The following ACBD7 variants were observed in gnomAD, a reference collection of about 807,000 sequenced individuals.
The protein encoded by ACBD7 is acyl-CoA-binding domain-containing protein 7.
A neutral mutation model predicts 13.7 loss-of-function variants in ACBD7; 11 were observed. The observed-to-expected ratio is 0.80, with a 90% CI of 0.50 to 1.33. The LOEUF is 1.33. Among genes scored for constraint, ACBD7 ranks in the 40% most tolerant of loss-of-function variants. The pLI, the probability that ACBD7 is intolerant of heterozygous loss-of-function variation, is 0.00. For missense variants in ACBD7, 111 were observed against 103.0 expected (o/e 1.08, Z -0.33); for synonymous variants, 43 against 37.7 (o/e 1.14, Z -0.51).
chr10:15,083,748 G>A (rs1844775903), intron 1 of ACBD7, among the ~76,000 whole-genome samples: 1 of 152,212 alleles, frequency 6.6e-6, no homozygotes, highest in African/African-American at 2.4e-5. Flanking sequence ...TTCCCAAAGT[G>A]CTGGGATTAC....
chr10:15,083,436 A>G (rs527735886), intron 1 of ACBD7, among the ~76,000 whole-genome samples: 2 of 152,340 alleles, frequency 1.3e-5, no homozygotes, highest in East Asian at 1.9e-4. Flanking sequence ...CTTCGGCCAC[A>G]AAAAGAGAAT....
At chr10:15,082,882 C>T (rs1458017571) in intron 1 of ACBD7, among the ~76,000 whole-genome samples, 1 of 151,818 alleles carries the variant, frequency 6.6e-6, no homozygotes, top group African/African-American at 2.4e-5. Context: ...ACTAAAAATA[C>T]AAAAAATTAG....
Position 15,075,938 on chromosome 10 carries a change from C to T in ACBD7, c.*2592G>A, listed in dbSNP as rs774517824. 6 of 270,466 alleles carry T rather than the reference C, an allele frequency of 2.2e-5. No individual in the cohort carries two copies. The highest frequency in any genetic ancestry group is 1.4e-4 in the South Asian group (1 of 6,988). 16.8% of individuals were successfully genotyped at this position (270,466 alleles called of 1,614,324 possible). ...GCAGTGAGCCGAGAGCGTGCCACTGCGCTCCAGCCTGGGTAACAGAGTGAC... is the reference window on the plus strand; with the variant it reads ...GCAGTGAGCCGAGAGCGTGCCACTGTGCTCCAGCCTGGGTAACAGAGTGAC... On this transcript the variant is annotated 3_prime_UTR_variant, in exon 4 of 4. Coordinates refer to ENST00000356189, the MANE Select transcript of ACBD7 (RefSeq NM_001039844.3).
intron 1 of ACBD7, among the ~76,000 whole-genome samples, chr10:15,083,394 G>T (rs763768955): frequency 6.6e-6 from 1 of 152,204 alleles, no homozygotes; most frequent in Non-Finnish European, 1.5e-5. Context: ...CCTGGGACTC[G>T]ATGCAACAAA....
At chr10:15,079,746 G>A (rs1301326973) in intron 1 of ACBD7, among the ~76,000 whole-genome samples, 1 of 150,822 alleles carries the variant, frequency 6.6e-6, no homozygotes, top group Non-Finnish European at 1.5e-5. Flanking sequence ...GCCTGGCTAA[G>A]TTTTGTATTT....
intron 1 of ACBD7, among the ~76,000 whole-genome samples, chr10:15,080,928 A>G (rs553248433): frequency 1.3e-5 from 2 of 152,320 alleles, no homozygotes; most frequent in Admixed American, 1.3e-4. Flanking sequence ...AAGTTCAAGG[A>G]CATATGCTGG....
chr10:15,083,631 C>T (rs1035160693), intron 1 of ACBD7, among the ~76,000 whole-genome samples: 2 of 152,164 alleles, frequency 1.3e-5, no homozygotes, highest in Admixed American at 6.6e-5. Context: ...CAGGCATGCA[C>T]CACCACGCCT....
At position 15,088,742 on chromosome 10, in the gene ACBD7, G is replaced by T. The variant is rs756994356; in HGVS notation, c.-14C>A. On this transcript the variant is annotated 5_prime_UTR_variant, in exon 1 of 4. Transcript: ENST00000356189. Reference sequence around the variant, plus strand: ...CTGCAGGGCCATGGTGGCGGCTGCCGCGTTGTTGCTGCTGCTGTTGTCGTC... The same window carrying T: ...CTGCAGGGCCATGGTGGCGGCTGCCTCGTTGTTGCTGCTGCTGTTGTCGTC... 6.3e-7 allele frequency: 1 copy of T among 1,598,364 alleles called. No homozygotes were observed. Among genetic ancestry groups the T allele is most frequent in the Admixed American group, 1.7e-5 (1 of 59,152 alleles).
In ACBD7 at chr10:15,078,363, A is replaced by G; in HGVS notation, c.*167T>C. The G allele has an allele frequency of 2.0e-6, 3 of 1,480,190 alleles. No homozygotes were observed. The highest frequency in any genetic ancestry group is 2.3e-5 in the East Asian group (1 of 43,504). The allele number at this position is 1,480,190 out of a possible 1,614,324, so 91.7% of individuals were successfully genotyped here. On this transcript the variant is annotated 3_prime_UTR_variant, in exon 4 of 4. Transcript: ENST00000356189. ...AAAGACACCTGGTTTAAGCAAGTAC[A>G]ATTGAGTTAACTATGTAGTTTCAGT...
rs138181639 is a variant in ACBD7, at chr10:15,079,339, G to A, written c.13-299C>T. 1.8e-3 allele frequency among the ~76,000 whole-genome samples: 256 copies of A among 143,906 alleles called. 1 individual carries two copies. Among genetic ancestry groups the A allele is most frequent in the Non-Finnish European group, 2.9e-3 (194 of 66,960 alleles). 94.4% of individuals were successfully genotyped at this position (143,906 alleles called of 152,430 possible). ...GGCTGGAGTGCAGTGCAGTGGCACCGTCTCCACTCACTGCAACCTCTACTT... is the reference window on the plus strand; with the variant it reads ...GGCTGGAGTGCAGTGCAGTGGCACCATCTCCACTCACTGCAACCTCTACTT... On this transcript the variant is annotated intron_variant, in intron 1 of 3. Transcript: ENST00000356189.
chr10:15,081,561 G>A (rs1264258338), intron 1 of ACBD7, among the ~76,000 whole-genome samples: 2 of 152,218 alleles, frequency 1.3e-5, no homozygotes, highest in African/African-American at 4.8e-5. Flanking sequence ...AGGCATATAA[G>A]CTCTGGAAAA....
chr10:15,078,772 A>G lies in ACBD7; in HGVS notation c.131-19T>C, dbSNP rs933625825. The G allele has an allele frequency of 1.9e-6, 3 of 1,612,860 alleles. No homozygotes were observed. The highest frequency in any genetic ancestry group is 2.7e-5 in the African/African-American group (2 of 75,028). ...GGACACGCTGGCAAAAGAAGGAGAC[A>G]TGCATTTGCAGGTTAACATTTTACT... On this transcript the variant is annotated intron_variant, in intron 2 of 3. Transcript: ENST00000356189.
chr10:15,079,616 T>C (rs1844726535), intron 1 of ACBD7, among the ~76,000 whole-genome samples: 1 of 151,650 alleles, frequency 6.6e-6, no homozygotes, highest in African/African-American at 2.4e-5. Flanking sequence ...TCTCACTCTG[T>C]TGCCCAGGCT....
At chr10:15,088,581 G>A (rs1844836164) in intron 1 of ACBD7, 136 bp downstream of exon 1, 2 of 1,236,982 alleles carry the variant, frequency 1.6e-6, no homozygotes, top group East Asian at 2.9e-5. Flanking sequence ...GCCATCTGGG[G>A]CGCTGGGGAA....
At chr10:15,079,982 T>C (rs767273346) in intron 1 of ACBD7, among the ~76,000 whole-genome samples, 1 of 151,732 alleles carries the variant, frequency 6.6e-6, no homozygotes, top group Non-Finnish European at 1.5e-5. Flanking sequence ...CTTTACTACA[T>C]GCAGGGGCTT....
rs1844824043 is a variant in ACBD7 at position 15,087,558 on chromosome 10, C to CTTGAGGTCAGGAG, written c.12+1146_12+1158dup. ...TTGGGTGTCCAAGGCGGGTGGATCA[C>CTTGAGGTCAGGAG]TTGAGGTCAGGAGTTGGAGACCAGT... is the stretch of plus-strand genomic sequence containing the variant. On this transcript the variant is annotated intron_variant, in intron 1 of 3. Transcript: ENST00000356189. Among the ~76,000 whole-genome samples the CTTGAGGTCAGGAG allele has an allele frequency of 1.2e-4, 19 of 152,158 alleles. No homozygotes were observed. The South Asian group carries it at 3.7e-3, about 30-fold the overall frequency.
chr10:15,088,129 CCA>C (rs1414929591), intron 1 of ACBD7, among the ~76,000 whole-genome samples: 2 of 151,862 alleles, frequency 1.3e-5, no homozygotes, highest in African/African-American at 4.8e-5. Flanking sequence ...TAGATATATG[CCA>C]CACACATACA....
chr10:15,080,647 C>T (rs1167159215), intron 1 of ACBD7, among the ~76,000 whole-genome samples: 1 of 152,160 alleles, frequency 6.6e-6, no homozygotes, highest in Non-Finnish European at 1.5e-5. Context: ...GCTCTGATAA[C>T]TGGGACCTCC....
chr10:15,084,177 A>T (rs1018181246), intron 1 of ACBD7, among the ~76,000 whole-genome samples: 1 of 152,198 alleles, frequency 6.6e-6, no homozygotes, highest in Non-Finnish European at 1.5e-5. Context: ...CATAAAGGCT[A>T]TGTGGGGTTG....
Sources: allele counts gnomAD v4.1 joint callset (sites outside exome capture counted in the v4.1 genomes callset), GRCh38; gene constraint gnomAD v4.1.1; transcripts MANE v1.5; gene names NCBI Gene and HGNC (gene_info 2026-07-23, HGNC 2026-07-21).